Variants in ATG2A observed in about 807,000 individuals in gnomAD.
ATG2A encodes the protein autophagy related 2A, also known as autophagy-related protein 2 homolog A.
Under a neutral mutation model 214.2 loss-of-function variants are expected in ATG2A, and 103 were observed. That is an observed-to-expected ratio of 0.48 (90% confidence interval 0.41 to 0.57). The LOEUF (loss-of-function observed/expected upper bound fraction) is 0.57. ATG2A is among the 20% of genes least tolerant of loss of function. The probability of loss-of-function intolerance (pLI) is 0.00; values close to 1 mark genes in which losing one functional copy is unlikely to be tolerated. For synonymous variants in ATG2A, 1,160 were observed against 1,142.1 expected (o/e 1.02, Z -0.32); for missense variants, 2,312 against 2,613.2 (o/e 0.88, Z 2.51).
At position 64,910,869 on chromosome 11, in the gene ATG2A, C is replaced by A. The variant is rs763519305; in HGVS notation, c.1552G>T (p.Gly518Trp). The A allele has an allele frequency of 6.2e-7, 1 of 1,609,226 alleles. No individual in the cohort carries two copies. Among genetic ancestry groups the A allele is most frequent in the East Asian group, 2.2e-5 (1 of 44,548 alleles). ...RRTTSMEVHF[G>W]QLEVLECLWP... is the part of the protein sequence containing the mutation. ...AGACACTCCAGCACCTCCAGCTGCC[C>A]GAAGTGCACTTCCATGCTGGTTGTC... The change falls in exon 11 of 41, where the codon GGG (glycine) becomes TGG (tryptophan). Residue 518 changes from glycine (G) to tryptophan (W), a missense_variant. By Grantham distance (184) the Gly-to-Trp change is radical (BLOSUM62 -2). Coordinates refer to ENST00000377264, the MANE Select transcript of ATG2A (RefSeq NM_015104.3).
In ATG2A at chr11:64,907,279, C is replaced by G. The variant is rs1303639769; in HGVS notation, c.2808G>C (p.Arg936=). 1.3e-6 allele frequency: 2 copies of G among 1,528,626 alleles called. No individual in the cohort carries two copies. Among genetic ancestry groups the G allele is most frequent in the Admixed American group, 4.2e-5 (2 of 47,660 alleles). The allele number at this position is 1,528,626 out of a possible 1,614,324, so 94.7% of individuals were successfully genotyped here. Residue 936 remains arginine (R), a synonymous_variant, in exon 19 of 41, where the codon CGG becomes CGC. Coordinates refer to ENST00000377264, the MANE Select transcript of ATG2A (RefSeq NM_015104.3). ...CCTTGGTCTCACAGAGGGCTGTGAT[C>G]CGCCCCTTCAGCACTGTCACCAGTG... ...FSTLVTVLKG[R]ITALCETKDE...
intron 14 of ATG2A, 48 bp downstream of exon 14, chr11:64,909,633 C>T (rs79193402): frequency 0.039 from 61,699 of 1,595,326 alleles, 1,417 homozygotes; most frequent in Middle Eastern, 0.063. Flanking sequence ...CCATCTCTCC[C>T]AGAAGCCAGG....
At position 64,895,157 on chromosome 11, in the gene ATG2A, T is replaced by C; in HGVS notation, c.5633A>G (p.Glu1878Gly). 1 of 1,613,072 alleles carries C rather than the reference T, an allele frequency of 6.2e-7. No homozygotes were observed. Among genetic ancestry groups the C allele is most frequent in the Non-Finnish European group, 8.5e-7 (1 of 1,179,670 alleles). ...CACGGCGCCCGTCAGCCCCTTCTGCTCATGGCCCCGCGATGCCACGTCACA... is the reference window on the plus strand; with the variant it reads ...CACGGCGCCCGTCAGCCCCTTCTGCCCATGGCCCCGCGATGCCACGTCACA... ...TICDVASRGH[E>G]QKGLTGAVGG... The change falls in exon 41 of 41, where the codon GAG becomes GGG. Residue 1878 changes from glutamate (E) to glycine (G), a missense_variant. Physicochemically the swap from Glu to Gly is moderately conservative, Grantham distance 98. Transcript: ENST00000377264. The surrounding 1 kb of genome is among the most constrained non-coding windows in gnomAD (Gnocchi z 5.0).
chr11:64,900,025 ATTTTT>A (rs35952373), intron 31 of ATG2A, among the ~76,000 whole-genome samples: 2 of 120,100 alleles, frequency 1.7e-5, no homozygotes, highest in African/African-American at 6.0e-5. Context: ...CAAATGGTTA[ATTTTT>A]TTTTTTTTTT....
In ATG2A at chr11:64,911,879, C is replaced by T. The variant is rs1944785817; in HGVS notation, c.1191G>A (p.Met397Ile). The change falls in exon 9 of 41, where the codon ATG becomes ATA. Residue 397 changes from methionine to isoleucine, a missense_variant. By Grantham distance (10) the Met-to-Ile change is conservative (BLOSUM62 1). Coordinates refer to ENST00000377264, the MANE Select transcript of ATG2A (RefSeq NM_015104.3). ...CCTGGGCAGAGAGCCGGCGGGAGGC[C>T]ATGTCGCTGCGCACAGAGGAGGCCA... ...VDLASSVRSD[M>I]ASRRLSAQAH... is the part of the protein sequence containing the mutation. 1 of 1,613,482 alleles carries T rather than the reference C, an allele frequency of 6.2e-7. No homozygotes were observed. The highest frequency in any genetic ancestry group is 8.5e-7 in the Non-Finnish European group (1 of 1,179,900).
In ATG2A at chr11:64,913,287, G is replaced by A; in HGVS notation, c.705C>T (p.His235=). 5 of 1,611,124 alleles carry A rather than the reference G, an allele frequency of 3.1e-6. No individual in the cohort carries two copies. Among genetic ancestry groups the A allele is most frequent in the Non-Finnish European group, 4.2e-6 (5 of 1,179,500 alleles). The change falls in exon 5 of 41, where the codon CAC becomes CAT. Residue 235 remains histidine, a synonymous_variant. Transcript: ENST00000377264. This position sits in a 1 kb window ranked among gnomAD's most constrained non-coding sequence, Gnocchi z 4.3. ...KLLQLAGVRL[H]YEELPAQEEP... ...TCACCTGTGCCGGGAGCTCCTCGTA[G>A]TGCAGGCGGACCCCTGCCAGCTGCA...
chr11:64,905,188 C>T (rs866181055), intron 24 of ATG2A, among the ~76,000 whole-genome samples: 5 of 152,320 alleles, frequency 3.3e-5, no homozygotes, highest in South Asian at 4.1e-4. Context: ...TTCAGCTTCA[C>T]CTTAATCCCT....
intron 24 of ATG2A, among the ~76,000 whole-genome samples, chr11:64,904,862 ATG>A (rs1944486530): frequency 6.6e-6 from 1 of 151,608 alleles, no homozygotes; most frequent in African/African-American, 2.4e-5. Context: ...CTATCTATCT[ATG>A]TATTTATTTG....
intron 1 of ATG2A, among the ~76,000 whole-genome samples, chr11:64,915,588 G>T (rs184193169): frequency 6.6e-6 from 1 of 152,236 alleles, no homozygotes; most frequent in Admixed American, 6.5e-5. Flanking sequence ...TCAAGAAAGC[G>T]CCTGCATTCC....
Position 64,907,547 on chromosome 11 carries a change from C to G in ATG2A, c.2625G>C (p.Met875Ile). 6.2e-7 allele frequency: 1 copy of G among 1,612,328 alleles called. No homozygotes were observed. The highest frequency in any genetic ancestry group is 8.5e-7 in the Non-Finnish European group (1 of 1,179,692). Reference protein sequence around the residue: ...PSGFWHDSFKMCKSAFKLANC... With the variant: ...PSGFWHDSFKICKSAFKLANC... ...TACCCAGCTTGAAGGCTGACTTGCACATCTTAAAGCTGTCGTGCCAGAAGC... is the reference window on the plus strand; with the variant it reads ...TACCCAGCTTGAAGGCTGACTTGCAGATCTTAAAGCTGTCGTGCCAGAAGC... The change falls in exon 18 of 41, where the codon ATG (methionine) becomes ATC (isoleucine). Residue 875 changes from methionine to isoleucine, a missense_variant. Coordinates refer to ENST00000377264, the MANE Select transcript of ATG2A (RefSeq NM_015104.3).
rs770315518 is a variant in ATG2A at position 64,909,375 on chromosome 11, G to A, written c.2108-8C>T. The A allele has an allele frequency of 6.2e-7, 1 of 1,611,088 alleles. No individual in the cohort carries two copies. The highest frequency in any genetic ancestry group is 1.1e-5 in the South Asian group (1 of 91,002). ...CTCCATCTTCATAGATACCTGGAGG[G>A]GGATGGGGAATTAGGGGGGTCATCA... is the stretch of plus-strand genomic sequence containing the variant. On this transcript the variant is annotated splice_polypyrimidine_tract_variant and splice_region_variant and intron_variant, in intron 14 of 40. Transcript: ENST00000377264.
chr11:64,896,974 A>C (rs1944175122), intron 37 of ATG2A, 105 bp from the exon 38 acceptor site: 1 of 1,468,710 alleles, frequency 6.8e-7, no homozygotes, highest in East Asian at 2.4e-5. Context: ...TACTGTGGGC[A>C]CTCTACCCTC....
At position 64,913,127 on chromosome 11, in the gene ATG2A, G is replaced by T; in HGVS notation, c.736C>A (p.Pro246Thr). The T allele has an allele frequency of 6.3e-7, 1 of 1,581,790 alleles. No homozygotes were observed. Among genetic ancestry groups the T allele is most frequent in the Non-Finnish European group, 8.6e-7 (1 of 1,160,584 alleles). ...YEELPAQEEPPEPPLQIGSCS... is the reference protein window; with the variant it reads ...YEELPAQEEPTEPPLQIGSCS... ...CTGCCGATCTGCAAGGGGGGCTCTGGAGGCTCTTCCTGGGAGACGGGAGGA... is the reference window on the plus strand; with the variant it reads ...CTGCCGATCTGCAAGGGGGGCTCTGTAGGCTCTTCCTGGGAGACGGGAGGA... The change falls in exon 6 of 41, where the codon CCA (proline) becomes ACA (threonine). Residue 246 changes from proline (P) to threonine (T), a missense_variant. Pro to Thr is a conservative substitution (Grantham distance 38, BLOSUM62 -1). Coordinates refer to ENST00000377264, the MANE Select transcript of ATG2A (RefSeq NM_015104.3). This position sits in a 1 kb window ranked among gnomAD's most constrained non-coding sequence, Gnocchi z 4.3.
chr11:64,905,660 G>A lies in ATG2A; in HGVS notation c.3372-5C>T. On this transcript the variant is annotated splice_region_variant and splice_polypyrimidine_tract_variant and intron_variant, in intron 23 of 40. Coordinates refer to ENST00000377264, the MANE Select transcript of ATG2A (RefSeq NM_015104.3). ...CGCACTGGGAGGTAGAGTGGCCTGG[G>A]GGTGATACTCGGGCTGGGGCCGGCT... The A allele has an allele frequency of 1.2e-6, 2 of 1,613,888 alleles. No homozygotes were observed. Among genetic ancestry groups the A allele is most frequent in the African/African-American group, 1.3e-5 (1 of 75,046 alleles).
At position 64,917,165 on chromosome 11, in the gene ATG2A, C is replaced by T; in HGVS notation, c.-30G>A. 6.4e-7 allele frequency: 1 copy of T among 1,564,532 alleles called. No individual in the cohort carries two copies. Among genetic ancestry groups the T allele is most frequent in the Non-Finnish European group, 8.7e-7 (1 of 1,154,932 alleles). ...GAGACCGCCGGGCCTGGGCCGCCTC[C>T]GCTTGCCGCCCGCCGGCGATCCCCG... On this transcript the variant is annotated 5_prime_UTR_variant, in exon 1 of 41. Coordinates refer to ENST00000377264, the MANE Select transcript of ATG2A (RefSeq NM_015104.3).
chr11:64,901,130 C>T (rs377689315), intron 29 of ATG2A, 38 bp from the exon 30 acceptor site: 58 of 1,538,530 alleles, frequency 3.8e-5, no homozygotes, highest in African/African-American at 1.1e-4. Context: ...CACAGATGTT[C>T]GATCCAGCCC....
intron 1 of ATG2A, among the ~76,000 whole-genome samples, chr11:64,916,157 G>T (rs1020137915): frequency 6.6e-6 from 1 of 152,164 alleles, no homozygotes; most frequent in South Asian, 2.1e-4. Context: ...TGTGAGTCAG[G>T]GCTCCTCACC....
At chr11:64,904,856 CT>C (rs1346297621) in intron 24 of ATG2A, among the ~76,000 whole-genome samples, 1 of 151,860 alleles carries the variant, frequency 6.6e-6, no homozygotes, top group Non-Finnish European at 1.5e-5. Context: ...ATCTATCTAT[CT>C]ATCTATGTAT....
intron 24 of ATG2A, among the ~76,000 whole-genome samples, chr11:64,904,813 T>TTTTTA (rs36092395): frequency 0.49 from 70,865 of 145,596 alleles, 17,291 homozygotes; most frequent in Middle Eastern, 0.53. Flanking sequence ...CTTTCTATAT[T>TTTTTA]TTTTATCTAT....
Sources: gnomAD v4.1 joint callset for allele counts (sites outside exome capture counted in the v4.1 genomes callset) on GRCh38, gnomAD v4.1.1 for gene constraint, Gnocchi (gnomAD v3.1) non-coding constraint, MANE v1.5 for transcripts, NCBI Gene and HGNC (gene_info 2026-07-23, HGNC 2026-07-21) for gene names.